MARK1: variants seen among roughly 807,000 people sequenced by gnomAD.
MARK1 encodes the protein microtubule affinity regulating kinase 1.
In MARK1, 40 loss-of-function variants were observed where a neutral mutation model predicts 96.3. The ratio of observed to expected loss-of-function variants is 0.42; its 90% CI spans 0.32 to 0.54. The LOEUF (loss-of-function observed/expected upper bound fraction) is 0.54, where lower values mean the gene tolerates loss of function less well. Ranked by LOEUF, MARK1 falls within the 20% of genes least tolerant of loss-of-function variation. The pLI, the probability that MARK1 is intolerant of heterozygous loss-of-function variation, is 0.16. For missense variants in MARK1, 719 were observed against 984.6 expected, an observed-to-expected ratio of 0.73 and a Z score of 3.61; for synonymous variants, 317 against 341.2, an observed-to-expected ratio of 0.93 and a Z score of 0.78.
intron 1 of MARK1, among the ~76,000 whole-genome samples, chr1:220,544,007 A>T (rs1661318489): frequency 6.6e-6 from 1 of 152,222 alleles, no homozygotes. Context: ...AGAAAGTAGG[A>T]TGGAAAAAAT....
At position 220,661,851 on chromosome 1, in the gene MARK1, G is replaced by C. The variant is rs934046819; in HGVS notation, c.2073G>C (p.Glu691Asp). 1 of 1,613,630 alleles carries C rather than the reference G, an allele frequency of 6.2e-7. No homozygotes were observed. The highest frequency in any genetic ancestry group is 2.2e-5 in the East Asian group (1 of 44,870). ...SGEPKERDKEEGKDSKPRSLR... is the reference protein window; with the variant it reads ...SGEPKERDKEDGKDSKPRSLR... ...AACCAAAAGAAAGAGACAAGGAAGAGGGTAAAGATTCTAAGCCGCGTTCTT... is the reference window on the plus strand; with the variant it reads ...AACCAAAAGAAAGAGACAAGGAAGACGGTAAAGATTCTAAGCCGCGTTCTT... The change falls in exon 18 of 18, where the codon GAG becomes GAC. Residue 691 changes from glutamate (E) to aspartate (D), a missense_variant. Physicochemically the swap from Glu to Asp is conservative, Grantham distance 45. Coordinates refer to ENST00000366917, the MANE Select transcript of MARK1 (RefSeq NM_018650.5).
At chr1:220,625,149 T>C (rs1330246874) in intron 9 of MARK1, among the ~76,000 whole-genome samples, 3 of 152,220 alleles carry the variant, frequency 2.0e-5, no homozygotes, top group Admixed American at 2.0e-4. Context: ...AAACAGTATA[T>C]AAGGCACAGC....
intron 16 of MARK1, among the ~76,000 whole-genome samples, chr1:220,655,885 T>C (rs1198994105): frequency 6.6e-6 from 1 of 152,116 alleles, no homozygotes; most frequent in Non-Finnish European, 1.5e-5. Context: ...CTTCTCCCAC[T>C]CTTCCCCTTG....
rs1279405728 is a variant in MARK1, at chr1:220,661,862, C to T, written c.2084C>T (p.Ser695Phe). Residue 695 changes from serine to phenylalanine, a missense_variant, in exon 18 of 18, where the codon TCT (serine) becomes TTT (phenylalanine). Coordinates refer to ENST00000366917, the MANE Select transcript of MARK1 (RefSeq NM_018650.5). ...AGAGACAAGGAAGAGGGTAAAGATT[C>T]TAAGCCGCGTTCTTTGCGGTTCACA... The part of the protein sequence containing the change: ...KERDKEEGKD[S>F]KPRSLRFTWS... 1.9e-6 allele frequency: 3 copies of T among 1,613,916 alleles called. No homozygotes were observed. In the African/African-American group the frequency reaches 4.0e-5, roughly 22 times the overall value.
chr1:220,578,834 G>A (rs1664039788), intron 1 of MARK1, among the ~76,000 whole-genome samples: 1 of 152,038 alleles, frequency 6.6e-6, no homozygotes, highest in Admixed American at 6.6e-5. Context: ...AAGCCATGTA[G>A]AATATTTCAC....
intron 1 of MARK1, among the ~76,000 whole-genome samples, chr1:220,540,873 A>C (rs1055356801): frequency 3.3e-5 from 5 of 149,946 alleles, no homozygotes; most frequent in African/African-American, 1.2e-4. Context: ...ATTTTGACTT[A>C]GTTTGCTCTT....
chr1:220,583,771 C>G, intron 3 of MARK1, among the ~76,000 whole-genome samples: 1 of 150,952 alleles, frequency 6.6e-6, no homozygotes, highest in Non-Finnish European at 1.5e-5. Context: ...GACTCAGCCT[C>G]CTGAGTAGAT....
intron 1 of MARK1, among the ~76,000 whole-genome samples, chr1:220,566,587 A>G (rs750454701): frequency 6.6e-6 from 1 of 152,198 alleles, no homozygotes; most frequent in South Asian, 2.1e-4. Context: ...GCTTGCCAGG[A>G]TCAGTAAATG....
At chr1:220,557,979 A>T (rs185611503) in intron 1 of MARK1, among the ~76,000 whole-genome samples, 13 of 152,052 alleles carry the variant, frequency 8.5e-5, no homozygotes, top group South Asian at 2.1e-4. Flanking sequence ...AATTACAAAA[A>T]AATAGCTGGG....
At chr1:220,649,617 A>G (rs1420340926) in intron 13 of MARK1, among the ~76,000 whole-genome samples, 1 of 152,210 alleles carries the variant, frequency 6.6e-6, no homozygotes, top group Non-Finnish European at 1.5e-5. Context: ...TGCTTTTTAT[A>G]TAACTGGTGA....
At chr1:220,619,023 A>G (rs1666912676) in intron 9 of MARK1, among the ~76,000 whole-genome samples, 3 of 152,190 alleles carry the variant, frequency 2.0e-5, no homozygotes, top group African/African-American at 7.2e-5. Flanking sequence ...TTAGTTAGAG[A>G]AGGAGGAAAA....
chr1:220,634,834 A>AT (rs141526252), intron 11 of MARK1, among the ~76,000 whole-genome samples: 9,460 of 150,032 alleles, frequency 0.063, 1,032 homozygotes, highest in African/African-American at 0.22. Context: ...AGTAAACCAG[A>AT]TTTTTTTTTT....
chr1:220,558,847 TCAAAA>T (rs1191331978), intron 1 of MARK1, among the ~76,000 whole-genome samples: 1 of 152,128 alleles, frequency 6.6e-6, no homozygotes, highest in East Asian at 1.9e-4. Context: ...TCGTATACTC[TCAAAA>T]CAGAATATAC....
chr1:220,625,839 CA>C (rs1298497706), intron 9 of MARK1: 10 of 463,266 alleles, frequency 2.2e-5, no homozygotes, highest in Non-Finnish European at 4.3e-5. Context: ...GAAGCCTCAC[CA>C]AATCTACTAC....
At chr1:220,586,011 A>ACACACACGCGCGCG (rs112968910) in intron 3 of MARK1, among the ~76,000 whole-genome samples, 2 of 148,636 alleles carry the variant, frequency 1.3e-5, no homozygotes, top group South Asian at 4.2e-4. Context: ...ACACACACAC[A>ACACACACGCGCGCG]CGCGCGCGTG....
chr1:220,532,404 C>T lies in MARK1; in HGVS notation c.51+3531C>T, dbSNP rs1206428746. Among the ~76,000 whole-genome samples the T allele has an allele frequency of 3.3e-5, 5 of 152,294 alleles. No individual in the cohort carries two copies. The South Asian group carries it at 6.2e-4, about 19-fold the overall frequency. ...ATAGCATCTAATTGCCTGACTTTGTCTCCCTTAGTCTGTGTTGCCAGTGCC... is the reference window on the plus strand; with the variant it reads ...ATAGCATCTAATTGCCTGACTTTGTTTCCCTTAGTCTGTGTTGCCAGTGCC... On this transcript the variant is annotated intron_variant, in intron 1 of 17. Coordinates refer to ENST00000366917, the MANE Select transcript of MARK1 (RefSeq NM_018650.5).
chr1:220,613,992 G>A (rs1170055326), intron 6 of MARK1, among the ~76,000 whole-genome samples: 1 of 151,816 alleles, frequency 6.6e-6, no homozygotes, highest in African/African-American at 2.4e-5. Context: ...TTGTTTGGTC[G>A]GTTGGTCTGT....
intron 1 of MARK1, among the ~76,000 whole-genome samples, chr1:220,574,209 A>G (rs1278524084): frequency 3.3e-5 from 5 of 152,218 alleles, no homozygotes; most frequent in Admixed American, 6.5e-5. Context: ...TTGCTTTAGC[A>G]GACAGTTAAT....
chr1:220,600,978 C>T (rs1228848713), intron 5 of MARK1, among the ~76,000 whole-genome samples: 4 of 151,528 alleles, frequency 2.6e-5, no homozygotes, highest in African/African-American at 4.8e-5. Context: ...CTGCAAGCTC[C>T]GCCTCCCAAG....
Sources: allele counts gnomAD v4.1 joint callset (sites outside exome capture counted in the v4.1 genomes callset), GRCh38; gene constraint gnomAD v4.1.1; transcripts MANE v1.5; gene names NCBI Gene and HGNC (gene_info 2026-07-23, HGNC 2026-07-21).